Variants in EIF4EBP1 observed in about 807,000 individuals in gnomAD.
EIF4EBP1 encodes the protein eukaryotic translation initiation factor 4E-binding protein 1.
A neutral mutation model predicts 9.2 loss-of-function variants in EIF4EBP1; 5 were observed. The ratio of observed to expected loss-of-function variants is 0.54; its 90% CI spans 0.28 to 1.14. The LOEUF is 1.14. Among genes scored for constraint, EIF4EBP1 ranks in the 50% most tolerant of loss-of-function variants. The pLI is 0.09. For missense variants in EIF4EBP1, 139 were observed against 169.6 expected (o/e 0.82, Z 1.00); for synonymous variants, 62 against 67.0 (o/e 0.93, Z 0.36).
chr8:38,042,103 T>G (rs1201918935), intron 1 of EIF4EBP1, among the ~76,000 whole-genome samples: 1 of 152,072 alleles, frequency 6.6e-6, no homozygotes, highest in Non-Finnish European at 1.5e-5. Context: ...AACCATCTCC[T>G]CTTCCCCCTC....
intron 1 of EIF4EBP1, among the ~76,000 whole-genome samples, chr8:38,045,579 C>T (rs1809439117): frequency 6.6e-6 from 1 of 151,740 alleles, no homozygotes; most frequent in Non-Finnish European, 1.5e-5. Context: ...GTGGTGCATG[C>T]CTGTAGTCCC....
At chr8:38,042,673 C>T (rs961022671) in intron 1 of EIF4EBP1, among the ~76,000 whole-genome samples, 6 of 152,140 alleles carry the variant, frequency 3.9e-5, no homozygotes, top group Non-Finnish European at 7.3e-5. Flanking sequence ...TAGGGCCCCA[C>T]CCTAACAGCC....
chr8:38,036,369 C>T (rs1376103994), intron 1 of EIF4EBP1, among the ~76,000 whole-genome samples: 1 of 151,946 alleles, frequency 6.6e-6, no homozygotes, highest in East Asian at 1.9e-4. Context: ...AAAAATTAGC[C>T]GGGCCTGGTG....
intron 1 of EIF4EBP1, 55 bp downstream of exon 1, chr8:38,030,773 G>C (rs1367760256): frequency 1.5e-6 from 2 of 1,374,068 alleles, no homozygotes; most frequent in South Asian, 1.7e-5. Context: ...CGGGAGGATC[G>C]GGAATCGCGG....
intron 2 of EIF4EBP1, 96 bp downstream of exon 2, chr8:38,057,356 C>A: frequency 7.1e-7 from 1 of 1,404,336 alleles, no homozygotes. Flanking sequence ...GGAGGAGGAA[C>A]AACAGGGACT....
intron 1 of EIF4EBP1, among the ~76,000 whole-genome samples, chr8:38,053,381 CGGCGCGATCTCAGCTCACTGGAGCGCAGT>C (rs759217559): frequency 2.3e-4 from 35 of 152,088 alleles, no homozygotes; most frequent in Non-Finnish European, 3.7e-4. Flanking sequence ...TGGAGGGCAG[CGGCGCGATCTCAGCTCACTGGAGCGCAGT>C]GGCGCCATCT....
chr8:38,037,154 A>G (rs1001128592), intron 1 of EIF4EBP1, among the ~76,000 whole-genome samples: 1 of 152,002 alleles, frequency 6.6e-6, no homozygotes, highest in African/African-American at 2.4e-5. Context: ...GTTTTTGTTT[A>G]CGTGTTTGTT....
chr8:38,041,614 A>C (rs1285585447), intron 1 of EIF4EBP1, among the ~76,000 whole-genome samples: 1 of 152,218 alleles, frequency 6.6e-6, no homozygotes, highest in Non-Finnish European at 1.5e-5. Flanking sequence ...ATCAGGGTTA[A>C]AGAACAAAGG....
At position 38,059,872 on chromosome 8, in the gene EIF4EBP1, T is replaced by G. The variant is rs766850383; in HGVS notation, c.326-32T>G. 2.7e-6 allele frequency: 4 copies of G among 1,491,640 alleles called. No homozygotes were observed. In the Admixed American group the frequency reaches 7.9e-5, roughly 30 times the overall value. The allele number at this position is 1,491,640 out of a possible 1,614,324, so 92.4% of individuals were successfully genotyped here. Reference sequence around the variant, plus strand: ...TCATATACCAAGCATTCACCCATTGTTGACCTGGCCCTCTGTCCCCTCTCT... The same window carrying G: ...TCATATACCAAGCATTCACCCATTGGTGACCTGGCCCTCTGTCCCCTCTCT... On this transcript the variant is annotated intron_variant, in intron 2 of 2. Transcript: ENST00000338825.
chr8:38,044,859 G>T (rs1446699810), intron 1 of EIF4EBP1, among the ~76,000 whole-genome samples: 1 of 152,182 alleles, frequency 6.6e-6, no homozygotes, highest in Non-Finnish European at 1.5e-5. Flanking sequence ...AAGCTCCTGC[G>T]TGGGGAGTTG....
chr8:38,053,235 C>T (rs904483496), intron 1 of EIF4EBP1, among the ~76,000 whole-genome samples: 1 of 149,548 alleles, frequency 6.7e-6, no homozygotes, highest in African/African-American at 2.5e-5. Context: ...CCAGGCTGGT[C>T]TTGAACTCCT....
At chr8:38,033,922 G>A (rs1427085999) in intron 1 of EIF4EBP1, among the ~76,000 whole-genome samples, 2 of 151,500 alleles carry the variant, frequency 1.3e-5, no homozygotes, top group Non-Finnish European at 2.9e-5. Context: ...GATTTTTTGT[G>A]TTTTTAGTAG....
intron 2 of EIF4EBP1, among the ~76,000 whole-genome samples, chr8:38,058,305 A>C (rs1486125989): frequency 6.6e-6 from 1 of 152,178 alleles, no homozygotes; most frequent in East Asian, 1.9e-4. Flanking sequence ...CTCCTGCTGC[A>C]TCATAACATG....
Position 38,030,546 on chromosome 8 carries a change from G to A in EIF4EBP1, c.-28G>A, listed in dbSNP as rs1809199888. On this transcript the variant is annotated 5_prime_UTR_variant, in exon 1 of 3. Transcript: ENST00000338825. ...CTGGAGGCGCGGGAGGGCAGCGAGA[G>A]GTTCGCGGGTGCAGCGCACAGGAGA... is the stretch of plus-strand genomic sequence containing the variant. 1 of 1,491,484 alleles carries A rather than the reference G, an allele frequency of 6.7e-7. No homozygotes were observed. Among genetic ancestry groups the A allele is most frequent in the Non-Finnish European group, 8.9e-7 (1 of 1,126,580 alleles). The allele number at this position is 1,491,484 out of a possible 1,614,324, so 92.4% of individuals were successfully genotyped here. A position where few individuals can be genotyped will look rare whatever the true frequency, so the allele number is the denominator to read the frequency against.
chr8:38,042,998 C>T (rs1218028676), intron 1 of EIF4EBP1, among the ~76,000 whole-genome samples: 2 of 152,070 alleles, frequency 1.3e-5, no homozygotes, highest in Non-Finnish European at 2.9e-5. Context: ...ACCAGGGAGG[C>T]GGAGGCTGCA....
intron 1 of EIF4EBP1, among the ~76,000 whole-genome samples, chr8:38,042,499 C>G (rs1224744551): frequency 6.6e-6 from 1 of 152,044 alleles, no homozygotes; most frequent in Admixed American, 6.6e-5. Flanking sequence ...GAATTATCTC[C>G]TAGTTCTGGA....
chr8:38,047,163 C>G (rs956611676), intron 1 of EIF4EBP1, among the ~76,000 whole-genome samples: 1 of 152,172 alleles, frequency 6.6e-6, no homozygotes, highest in East Asian at 1.9e-4. Flanking sequence ...TCTCCTCTTA[C>G]GCCTGTCTGT....
chr8:38,059,271 C>T (rs372478747), intron 2 of EIF4EBP1, among the ~76,000 whole-genome samples: 1 of 152,076 alleles, frequency 6.6e-6, no homozygotes, highest in Non-Finnish European at 1.5e-5. Context: ...TGAGTTCTCT[C>T]GAGATCTGGT....
At chr8:38,035,052 C>A (rs1479709510) in intron 1 of EIF4EBP1, among the ~76,000 whole-genome samples, 1 of 152,014 alleles carries the variant, frequency 6.6e-6, no homozygotes, top group Non-Finnish European at 1.5e-5. Flanking sequence ...GCCAGGAGTT[C>A]AAGACCAGCC....
Sources: gnomAD v4.1 joint callset for allele counts (sites outside exome capture counted in the v4.1 genomes callset) on GRCh38, gnomAD v4.1.1 for gene constraint, MANE v1.5 for transcripts, NCBI Gene and HGNC (gene_info 2026-07-23, HGNC 2026-07-21) for gene names.